Variants in AGO3 observed in about 807,000 individuals in gnomAD.
AGO3 encodes the protein protein argonaute-3.
In AGO3, 16 loss-of-function variants were observed where a neutral mutation model predicts 105.5. That is an observed-to-expected ratio of 0.15 (90% CI 0.10 to 0.23). The LOEUF (loss-of-function observed/expected upper bound fraction) is 0.23. Ranked by LOEUF, AGO3 falls within the 10% of genes least tolerant of loss-of-function variation. AGO3 has a pLI of 1.00. For missense variants in AGO3, 534 were observed against 1,088.0 expected, an observed-to-expected ratio of 0.49 and a Z score of 7.16; for synonymous variants, 340 against 367.3, an observed-to-expected ratio of 0.93 and a Z score of 0.85.
Position 36,055,601 on chromosome 1 carries a change from A to AGTTT in AGO3, c.2475-31_2475-28dup. 3.2e-6 allele frequency: 5 copies of AGTTT among 1,579,138 alleles called. No individual in the cohort carries two copies. Among genetic ancestry groups the AGTTT allele is most frequent in the South Asian group, 1.1e-5 (1 of 89,336 alleles). On this transcript the variant is annotated intron_variant, in intron 18 of 18. Coordinates refer to ENST00000373191, the MANE Select transcript of AGO3 (RefSeq NM_024852.4). The surrounding 1 kb of genome is among the most constrained non-coding windows in gnomAD (Gnocchi z 4.4). The stretch of plus-strand genomic sequence containing the variant: ...TCGGAATTATTACATCAGAATAGAA[A>AGTTT]GTTTGTTTTTGTGTTCATTGCCACT...
intron 2 of AGO3, among the ~76,000 whole-genome samples, chr1:35,963,246 A>G (rs1444247695): frequency 2.6e-5 from 4 of 152,202 alleles, no homozygotes; most frequent in South Asian, 2.1e-4. Flanking sequence ...TGAATCTGCA[A>G]TGCTGGGGGA....
At chr1:35,945,315 A>G (rs569306574) in intron 1 of AGO3, among the ~76,000 whole-genome samples, 7 of 150,658 alleles carry the variant, frequency 4.6e-5, no homozygotes, top group Admixed American at 2.0e-4. Context: ...GGCCTCCTAA[A>G]GCACTAGGAT....
At chr1:35,994,124 C>T (rs1398553040) in intron 5 of AGO3, among the ~76,000 whole-genome samples, 1 of 139,608 alleles carries the variant, frequency 7.2e-6, no homozygotes, top group Non-Finnish European at 1.5e-5. Context: ...GATCATGGCT[C>T]ACTGCAGCCT....
At chr1:35,940,800 C>CTGAA (rs1646239757) in intron 1 of AGO3, among the ~76,000 whole-genome samples, 1 of 152,084 alleles carries the variant, frequency 6.6e-6, no homozygotes, top group South Asian at 2.1e-4. Context: ...TTCAGGGTAC[C>CTGAA]ACTCTCTCCA....
In AGO3 at chr1:36,055,242, C is replaced by A. The variant is rs556264429; in HGVS notation, c.2474+97C>A. The A allele has an allele frequency of 1.6e-5, 21 of 1,332,942 alleles. 1 individual carries two copies. In the African/African-American group the frequency reaches 2.2e-4, roughly 14 times the overall value. 82.6% of individuals were successfully genotyped at this position (1,332,942 alleles called of 1,614,324 possible). On this transcript the variant is annotated intron_variant, in intron 18 of 18. Transcript: ENST00000373191. The surrounding 1 kb of genome is among the most constrained non-coding windows in gnomAD (Gnocchi z 4.4). ...CAAGCTATTAGCGGAGTCAGTGATC[C>A]ATGTGAAAAATGATGACAGAACTGA...
intron 13 of AGO3, among the ~76,000 whole-genome samples, chr1:36,035,887 G>GTGTGGTGTGGT (rs1641980923): frequency 3.3e-5 from 5 of 152,098 alleles, no homozygotes; most frequent in African/African-American, 1.2e-4. Flanking sequence ...CAAAAAATTA[G>GTGTGGTGTGGT]CCGGGTGTGG....
At chr1:35,950,740 T>C (rs1211948919) in intron 2 of AGO3, among the ~76,000 whole-genome samples, 1 of 152,210 alleles carries the variant, frequency 6.6e-6, no homozygotes, top group Non-Finnish European at 1.5e-5. Context: ...ACCTAGAGTA[T>C]ACATTCTGTA....
intron 12 of AGO3, among the ~76,000 whole-genome samples, chr1:36,029,692 G>A (rs1458363612): frequency 2.8e-5 from 4 of 140,516 alleles, no homozygotes; most frequent in South Asian, 2.2e-4. Context: ...CACCATGCCC[G>A]GCCCTTTTTT....
chr1:35,957,459 C>T (rs1646590135), intron 2 of AGO3, among the ~76,000 whole-genome samples: 1 of 152,130 alleles, frequency 6.6e-6, no homozygotes, highest in African/African-American at 2.4e-5. Context: ...AGCTCAGTGG[C>T]TCATGCCTGT....
At chr1:36,022,158 A>T (rs1641266052) in intron 11 of AGO3, among the ~76,000 whole-genome samples, 1 of 142,990 alleles carries the variant, frequency 7.0e-6, no homozygotes. Flanking sequence ...TCAGCCTCTC[A>T]GGCTTAAGTG....
chr1:35,950,839 A>G (rs1646458181), intron 2 of AGO3, among the ~76,000 whole-genome samples: 1 of 152,254 alleles, frequency 6.6e-6, no homozygotes, highest in South Asian at 2.1e-4. Context: ...AAATAATGGA[A>G]TAGATACATG....
Position 36,055,495 on chromosome 1 carries a change from C to A in AGO3, c.2475-142C>A. ...GGCCTTGAGTTAATAGTGATTGAAG[C>A]TGAGTGATGGACACATAGATTGTTA... On this transcript the variant is annotated intron_variant, in intron 18 of 18. Transcript: ENST00000373191. The surrounding 1 kb of genome is among the most constrained non-coding windows in gnomAD (Gnocchi z 4.4). 1 of 782,522 alleles carries A rather than the reference C, an allele frequency of 1.3e-6. No individual in the cohort carries two copies. The highest frequency in any genetic ancestry group is 2.0e-6 in the Non-Finnish European group (1 of 490,632). 48.5% of individuals were successfully genotyped at this position (782,522 alleles called of 1,614,324 possible).
chr1:35,956,259 A>G (rs1402632969), intron 2 of AGO3, among the ~76,000 whole-genome samples: 2 of 152,182 alleles, frequency 1.3e-5, no homozygotes, highest in Non-Finnish European at 2.9e-5. Flanking sequence ...CATAGTTCCT[A>G]GCTGGTGCAT....
intron 9 of AGO3, 96 bp from the exon 10 acceptor site, chr1:36,013,534 A>G: frequency 6.8e-7 from 1 of 1,479,612 alleles, no homozygotes; most frequent in Non-Finnish European, 9.2e-7. Flanking sequence ...AAAATATATT[A>G]TGGACACAGT....
At position 36,008,748 on chromosome 1, in the gene AGO3, T is replaced by C. The variant is rs765405176; in HGVS notation, c.852T>C (p.Asn284=). 1.9e-6 allele frequency: 3 copies of C among 1,614,118 alleles called. No individual in the cohort carries two copies. The highest frequency in any genetic ancestry group is 2.5e-6 in the Non-Finnish European group (3 of 1,180,026). ...TGAGACGGAAATACCGTGTTTGTAA[T>C]GTAACAAGGAGGCCTGCCAGTCATC... is the stretch of plus-strand genomic sequence containing the variant. ...GTMRRKYRVC[N]VTRRPASHQT... is the part of the protein sequence containing the mutation. Residue 284 remains asparagine, a synonymous_variant, in exon 7 of 19, where the codon AAT becomes AAC. Coordinates refer to ENST00000373191, the MANE Select transcript of AGO3 (RefSeq NM_024852.4). This position sits in a 1 kb window ranked among gnomAD's most constrained non-coding sequence, Gnocchi z 5.1.
At position 36,030,322 on chromosome 1, in the gene AGO3, C is replaced by T. The variant is rs188323166; in HGVS notation, c.1591+3024C>T. Among the ~76,000 whole-genome samples the T allele has an allele frequency of 6.4e-4, 97 of 151,758 alleles. 1 individual carries two copies. The highest frequency in any genetic ancestry group is 2.2e-3 in the African/African-American group (90 of 41,412). ...TTCAAGACTAGTCTGAGCAACATGG[C>T]GAAACCTCATATCTGCAAAAAAATA... On this transcript the variant is annotated intron_variant, in intron 12 of 18. Transcript: ENST00000373191.
Position 36,054,157 on chromosome 1 carries a change from A to G in AGO3, c.2275-789A>G, listed in dbSNP as rs144468545. ...CCAGCCTGAACAGATTTCCTTTAGG[A>G]TATCAGTTTGAAACTTCTGCTGTAG... is the stretch of plus-strand genomic sequence containing the variant. On this transcript the variant is annotated intron_variant, in intron 17 of 18. Coordinates refer to ENST00000373191, the MANE Select transcript of AGO3 (RefSeq NM_024852.4). Among the ~76,000 whole-genome samples the G allele has an allele frequency of 5.4e-3, 818 of 152,268 alleles. 9 individuals carry two copies. Among genetic ancestry groups the G allele is most frequent in the African/African-American group, 0.018 (762 of 41,576 alleles).
chr1:36,045,187 C>T (rs918103822), intron 17 of AGO3, among the ~76,000 whole-genome samples: 2 of 152,202 alleles, frequency 1.3e-5, no homozygotes, highest in Middle Eastern at 3.4e-3. Flanking sequence ...CTAGTGCTTG[C>T]TCCCCTCACA....
chr1:36,006,122 A>G (rs1435001348), intron 6 of AGO3, among the ~76,000 whole-genome samples: 1 of 145,948 alleles, frequency 6.9e-6, no homozygotes, highest in South Asian at 2.2e-4. Context: ...TTTTTTTTTT[A>G]AAGAAGGCTC....
Sources: allele counts gnomAD v4.1 joint callset (sites outside exome capture counted in the v4.1 genomes callset), GRCh38; gene constraint gnomAD v4.1.1; non-coding constraint Gnocchi (gnomAD v3.1); transcripts MANE v1.5; gene names NCBI Gene and HGNC (gene_info 2026-07-23, HGNC 2026-07-21).